The following KHDRBS2 variants were observed in gnomAD, a reference collection of about 807,000 sequenced individuals.
The protein encoded by KHDRBS2 is KH RNA binding domain containing, signal transduction associated 2.
Under a neutral mutation model 44.3 loss-of-function variants are expected in KHDRBS2, and 26 were observed. That is an observed-to-expected ratio of 0.59 (90% CI 0.43 to 0.81). The LOEUF (loss-of-function observed/expected upper bound fraction) is 0.81. KHDRBS2 is among the 40% of genes least tolerant of loss of function. The pLI is 0.00. For synonymous variants in KHDRBS2, 194 were observed against 151.1 expected (o/e 1.28, Z -2.08); for missense variants, 476 against 433.1 (o/e 1.10, Z -0.88).
intron 4 of KHDRBS2, among the ~76,000 whole-genome samples, chr6:61,932,947 T>C (rs1810356302): frequency 1.3e-5 from 2 of 152,216 alleles, no homozygotes; most frequent in African/African-American, 2.4e-5. Context: ...TCATTGTGTA[T>C]ATAGATCACA....
At chr6:61,585,114 G>T in the KHDRBS2 span, among the ~76,000 whole-genome samples, 6 of 151,830 alleles carry the variant, frequency 4.0e-5, no homozygotes, top group Non-Finnish European at 8.8e-5. Context: ...CAACTTGAAT[G>T]CAATGTTATT....
chr6:61,755,667 C>T (rs1190065946), intron 6 of KHDRBS2, among the ~76,000 whole-genome samples: 7 of 151,620 alleles, frequency 4.6e-5, no homozygotes, highest in East Asian at 3.9e-4. Context: ...AAAAATTAGC[C>T]GGGTGTGGTG....
chr6:61,545,407 T>A, the KHDRBS2 span, among the ~76,000 whole-genome samples: 1 of 152,062 alleles, frequency 6.6e-6, no homozygotes, highest in Admixed American at 6.6e-5. Flanking sequence ...ATCCTCTGCT[T>A]CAACATGTGC....
chr6:62,007,359 A>C (rs1298312708), intron 3 of KHDRBS2, among the ~76,000 whole-genome samples: 1 of 151,648 alleles, frequency 6.6e-6, no homozygotes, highest in Non-Finnish European at 1.5e-5. Context: ...CAAAGTGGCT[A>C]TGAGAGATTA....
At chr6:61,777,195 G>A (rs181943934) in intron 6 of KHDRBS2, among the ~76,000 whole-genome samples, 1 of 152,052 alleles carries the variant, frequency 6.6e-6, no homozygotes, top group Non-Finnish European at 1.5e-5. Context: ...GCTAAATGAT[G>A]AGTTAATGGG....
chr6:61,562,418 T>C, the KHDRBS2 span, among the ~76,000 whole-genome samples: 1 of 152,208 alleles, frequency 6.6e-6, no homozygotes, highest in Non-Finnish European at 1.5e-5. Context: ...GCTTCTAGTA[T>C]AAAGACTAAT....
At chr6:61,837,685 G>T (rs1037894345) in intron 6 of KHDRBS2, among the ~76,000 whole-genome samples, 3 of 151,920 alleles carry the variant, frequency 2.0e-5, no homozygotes, top group African/African-American at 7.2e-5. Flanking sequence ...TTTTGTTGTC[G>T]TCTGGTAGGA....
chr6:61,831,786 A>T (rs1468214955), intron 6 of KHDRBS2, among the ~76,000 whole-genome samples: 3 of 152,226 alleles, frequency 2.0e-5, no homozygotes, highest in African/African-American at 7.2e-5. Flanking sequence ...TCTATTCAAA[A>T]TATGCCAATA....
chr6:62,004,713 A>T (rs1370711665), intron 3 of KHDRBS2, among the ~76,000 whole-genome samples: 20 of 152,300 alleles, frequency 1.3e-4, no homozygotes, highest in Admixed American at 1.2e-3. Flanking sequence ...ACAACAAAAA[A>T]AGAGAATTTT....
chr6:62,178,154 T>C (rs918144684), intron 1 of KHDRBS2, among the ~76,000 whole-genome samples: 15 of 151,398 alleles, frequency 9.9e-5, no homozygotes. Flanking sequence ...CTGTTAAGAA[T>C]ACAAAGGAGA....
At chr6:61,652,101 G>T in the KHDRBS2 span, among the ~76,000 whole-genome samples, 1 of 151,964 alleles carries the variant, frequency 6.6e-6, no homozygotes, top group Non-Finnish European at 1.5e-5. Context: ...AAATTGGCTC[G>T]TTTGTTTTTC....
intron 6 of KHDRBS2, among the ~76,000 whole-genome samples, chr6:61,797,396 G>A (rs1235582584): frequency 6.6e-6 from 1 of 152,184 alleles, no homozygotes; most frequent in East Asian, 1.9e-4. Context: ...ATCACAGAGA[G>A]CCTTTAACTG....
chr6:61,557,819 T>C, the KHDRBS2 span, among the ~76,000 whole-genome samples: 456 of 152,264 alleles, frequency 3.0e-3, 3 homozygotes, highest in African/African-American at 0.011. Flanking sequence ...ATCTCTTTAC[T>C]TGTCATTGGT....
chr6:61,574,148 G>A, the KHDRBS2 span, among the ~76,000 whole-genome samples: 2 of 151,956 alleles, frequency 1.3e-5, no homozygotes, highest in Admixed American at 6.6e-5. Context: ...CACAAGGAAA[G>A]GTTAAAAAAA....
intron 2 of KHDRBS2, among the ~76,000 whole-genome samples, chr6:62,088,548 A>T (rs942356819): frequency 1.3e-5 from 2 of 152,132 alleles, no homozygotes; most frequent in African/African-American, 4.8e-5. Context: ...AACAGCAAAG[A>T]TTGCTGCCTG....
At chr6:61,641,666 T>C in the KHDRBS2 span, among the ~76,000 whole-genome samples, 2 of 152,182 alleles carry the variant, frequency 1.3e-5, 1 homozygote. Flanking sequence ...ATTTCTCTGG[T>C]CAACCATAAG....
chr6:62,167,557 T>C (rs1818963998), intron 2 of KHDRBS2, among the ~76,000 whole-genome samples: 1 of 152,122 alleles, frequency 6.6e-6, no homozygotes, highest in Admixed American at 6.6e-5. Context: ...GAATTTTTTT[T>C]CCTCATAAAA....
At position 61,826,784 on chromosome 6, in the gene KHDRBS2, T is replaced by G. The variant is rs1790939084; in HGVS notation, c.810+67851A>C. Reference sequence around the variant, plus strand: ...AAATGCAGTGGCTCTTTGGGAGACATTTCTACTCACAAACCCTTACCATAA... The same window carrying G: ...AAATGCAGTGGCTCTTTGGGAGACAGTTCTACTCACAAACCCTTACCATAA... On this transcript the variant is annotated intron_variant, in intron 6 of 8. Coordinates refer to ENST00000281156, the MANE Select transcript of KHDRBS2 (RefSeq NM_152688.4). Among the ~76,000 whole-genome samples, 4 of 152,146 alleles carry G rather than the reference T, an allele frequency of 2.6e-5. No homozygotes were observed. The South Asian group carries it at 8.3e-4, about 31-fold the overall frequency.
chr6:62,133,713 T>C (rs1157612183), intron 2 of KHDRBS2, among the ~76,000 whole-genome samples: 2 of 152,132 alleles, frequency 1.3e-5, no homozygotes, highest in Non-Finnish European at 2.9e-5. Flanking sequence ...TTAACCAAAA[T>C]GTTGATAGTG....
Sources: allele counts gnomAD v4.1 joint callset (sites outside exome capture counted in the v4.1 genomes callset), GRCh38; gene constraint gnomAD v4.1.1; transcripts MANE v1.5; gene names NCBI Gene and HGNC (gene_info 2026-07-23, HGNC 2026-07-21).